Variants in CNTNAP5 observed in about 807,000 individuals in gnomAD.
The protein encoded by CNTNAP5 is contactin-associated protein-like 5.
CNTNAP5 carries 72 observed loss-of-function variants against 150.2 expected under a neutral mutation model. The ratio of observed to expected loss-of-function variants is 0.48; its 90% CI spans 0.40 to 0.58. The LOEUF is 0.58. Among genes scored for constraint, CNTNAP5 ranks in the 20% least tolerant of loss-of-function variants. The pLI, the probability that CNTNAP5 is intolerant of heterozygous loss-of-function variation, is 0.00. For synonymous variants in CNTNAP5, 672 were observed against 619.8 expected, an observed-to-expected ratio of 1.08 and a Z score of -1.25; for missense variants, 1,636 against 1,626.2, an observed-to-expected ratio of 1.01 and a Z score of -0.10.
chr2:124,760,267 G>A (rs1422762769), intron 14 of CNTNAP5, among the ~76,000 whole-genome samples: 7 of 151,746 alleles, frequency 4.6e-5, no homozygotes, highest in South Asian at 2.1e-4. Flanking sequence ...TATATATAAC[G>A]TTTTATTTGC....
At chr2:124,769,799 A>G (rs1681151467) in intron 16 of CNTNAP5, among the ~76,000 whole-genome samples, 1 of 151,884 alleles carries the variant, frequency 6.6e-6, no homozygotes, top group African/African-American at 2.4e-5. Flanking sequence ...TCACATCCAG[A>G]CTCTGCCCCA....
At chr2:124,046,016 A>G (rs1415850585) in intron 1 of CNTNAP5, among the ~76,000 whole-genome samples, 1 of 152,220 alleles carries the variant, frequency 6.6e-6, no homozygotes, top group Non-Finnish European at 1.5e-5. Context: ...CGCATCCATG[A>G]CCCAGAAAAG....
chr2:124,654,084 G>C (rs1678383389), intron 13 of CNTNAP5, among the ~76,000 whole-genome samples: 1 of 152,154 alleles, frequency 6.6e-6, no homozygotes, highest in Non-Finnish European at 1.5e-5. Context: ...TGAGTGAAGG[G>C]ACAGGATGAG....
intron 14 of CNTNAP5, among the ~76,000 whole-genome samples, chr2:124,761,227 C>T (rs1680949181): frequency 6.6e-6 from 1 of 152,092 alleles, no homozygotes; most frequent in Non-Finnish European, 1.5e-5. Context: ...ACCATCACCA[C>T]CAATTGTCCT....
intron 3 of CNTNAP5, among the ~76,000 whole-genome samples, chr2:124,395,958 A>C (rs939697682): frequency 6.6e-6 from 1 of 152,204 alleles, no homozygotes; most frequent in Non-Finnish European, 1.5e-5. Flanking sequence ...CCCAGAGTCC[A>C]TCATCAACAC....
chr2:124,119,103 G>T (rs1209944904), intron 1 of CNTNAP5, among the ~76,000 whole-genome samples: 1 of 152,120 alleles, frequency 6.6e-6, no homozygotes, highest in Non-Finnish European at 1.5e-5. Flanking sequence ...GCGAGTCTTT[G>T]TGAGGCTGAC....
chr2:124,682,787 G>A (rs1679099299), intron 13 of CNTNAP5, among the ~76,000 whole-genome samples: 1 of 152,164 alleles, frequency 6.6e-6, no homozygotes, highest in Non-Finnish European at 1.5e-5. Context: ...GTGTAGTTTT[G>A]AACTTGTGAG....
Position 124,325,863 on chromosome 2 carries a change from G to A in CNTNAP5, c.381+83470G>A, listed in dbSNP as rs565013205. Among the ~76,000 whole-genome samples, 3 of 152,190 alleles carry A rather than the reference G, an allele frequency of 2.0e-5. No individual in the cohort carries two copies. In the South Asian group the frequency reaches 6.2e-4, roughly 32 times the overall value. Reference sequence around the variant, plus strand: ...ATTATGACTATAGACCTCCACTAGGGGGATGAGCCATGCTTGCTGGGCCCC... The same window carrying A: ...ATTATGACTATAGACCTCCACTAGGAGGATGAGCCATGCTTGCTGGGCCCC... On this transcript the variant is annotated intron_variant, in intron 3 of 23. Coordinates refer to ENST00000682447, the MANE Select transcript of CNTNAP5 (RefSeq NM_001367498.1).
chr2:124,401,947 C>A (rs1691436197), intron 3 of CNTNAP5, among the ~76,000 whole-genome samples: 1 of 152,132 alleles, frequency 6.6e-6, no homozygotes, highest in Non-Finnish European at 1.5e-5. Context: ...CCCCCTGCAA[C>A]CTTCACGGGT....
intron 10 of CNTNAP5, among the ~76,000 whole-genome samples, chr2:124,554,771 A>G (rs758636377): frequency 1.3e-5 from 2 of 152,178 alleles, no homozygotes. Flanking sequence ...AATAGGCCAA[A>G]TTCTCTTAAA....
chr2:124,843,566 T>C (rs181067981), intron 19 of CNTNAP5, among the ~76,000 whole-genome samples: 74 of 152,248 alleles, frequency 4.9e-4, no homozygotes, highest in Non-Finnish European at 8.7e-4. Context: ...CTACTTTTAG[T>C]TCTTTAAGGA....
chr2:124,740,240 G>A (rs1680469901), intron 13 of CNTNAP5, among the ~76,000 whole-genome samples: 1 of 152,058 alleles, frequency 6.6e-6, no homozygotes, highest in African/African-American at 2.4e-5. Flanking sequence ...TGAGAAAACT[G>A]TACAAGATCT....
rs144347129 is a variant in CNTNAP5 at position 124,514,181 on chromosome 2, G to A, written c.1327+9625G>A. 2.8e-3 allele frequency among the ~76,000 whole-genome samples: 428 copies of A among 152,288 alleles called. 3 individuals carry two copies. Among genetic ancestry groups the A allele is most frequent in the African/African-American group, 1.0e-2 (415 of 41,564 alleles). ...TTTCAGAAGATAGTAACATGATGAA[G>A]CATTTCGTGTTATGGAAAACTGAGA... On this transcript the variant is annotated intron_variant, in intron 8 of 23. Transcript: ENST00000682447.
chr2:124,299,027 A>T lies in CNTNAP5; in HGVS notation c.381+56634A>T, dbSNP rs545238094. 3.1e-3 allele frequency among the ~76,000 whole-genome samples: 475 copies of T among 152,330 alleles called. 3 individuals are homozygous for T. The highest frequency in any genetic ancestry group is 5.8e-3 in the Non-Finnish European group (395 of 68,024). The stretch of plus-strand genomic sequence containing the variant: ...GCCATGAAAAATAAGTCTCGCAGAC[A>T]ATTTGAAGGGGAAGAAAAATGGAAT... On this transcript the variant is annotated intron_variant, in intron 3 of 23. Transcript: ENST00000682447.
chr2:124,882,555 C>T lies in CNTNAP5; in HGVS notation c.3436+12793C>T, dbSNP rs554774807. ...TTCCCTACTGATTTTGGGTGGAAGGCCAGATCTTCTCTATGAAGGATGACA... is the reference window on the plus strand; with the variant it reads ...TTCCCTACTGATTTTGGGTGGAAGGTCAGATCTTCTCTATGAAGGATGACA... On this transcript the variant is annotated intron_variant, in intron 21 of 23. Transcript: ENST00000682447. 1.1e-4 allele frequency among the ~76,000 whole-genome samples: 17 copies of T among 152,146 alleles called. No homozygotes were observed. In the East Asian group the frequency reaches 3.3e-3, roughly 30 times the overall value.
rs1053458744 is a variant in CNTNAP5 at position 124,538,294 on chromosome 2, C to A, written c.1649+10838C>A. ...AGGAGTTTGAGACCAGCCTGTCCAA[C>A]ACAGCAAAACTCCATCTCTACTAAA... On this transcript the variant is annotated intron_variant, in intron 10 of 23. Coordinates refer to ENST00000682447, the MANE Select transcript of CNTNAP5 (RefSeq NM_001367498.1). Among the ~76,000 whole-genome samples the A allele has an allele frequency of 2.6e-5, 4 of 152,142 alleles. 1 individual carries two copies. Among genetic ancestry groups the A allele is most frequent in the South Asian group, 4.1e-4 (2 of 4,832 alleles).
At chr2:124,493,965 T>C (rs62172594) in intron 7 of CNTNAP5, among the ~76,000 whole-genome samples, 4,733 of 143,906 alleles carry the variant, frequency 0.033, 104 homozygotes, top group South Asian at 0.064. Flanking sequence ...AAACCATAAA[T>C]ACACACACAC....
At chr2:124,191,267 G>T (rs1685451099) in intron 1 of CNTNAP5, among the ~76,000 whole-genome samples, 3 of 152,252 alleles carry the variant, frequency 2.0e-5, no homozygotes, top group African/African-American at 4.8e-5. Context: ...TTTGGTGTGG[G>T]ATGTTTGGAG....
chr2:124,033,964 A>G (rs1466457893), intron 1 of CNTNAP5, among the ~76,000 whole-genome samples: 1 of 152,162 alleles, frequency 6.6e-6, no homozygotes, highest in East Asian at 1.9e-4. Flanking sequence ...TATCTGGAAA[A>G]GGGAGGATAA....
Sources: allele counts gnomAD v4.1 joint callset (sites outside exome capture counted in the v4.1 genomes callset), GRCh38; gene constraint gnomAD v4.1.1; transcripts MANE v1.5; gene names NCBI Gene and HGNC (gene_info 2026-07-23, HGNC 2026-07-21).